The following LGMN variants were observed in gnomAD, a reference collection of about 807,000 sequenced individuals.
LGMN encodes legumain, also known as asparaginyl endopeptidase.
A neutral mutation model predicts 56.8 loss-of-function variants in LGMN; 36 were observed. That is an observed-to-expected ratio of 0.63 (90% CI 0.49 to 0.84). The LOEUF is 0.84. Ranked by LOEUF, LGMN falls within the 40% of genes least tolerant of loss-of-function variation. LGMN has a pLI of 0.00. For missense variants in LGMN, 446 were observed against 556.1 expected (o/e 0.80, Z 1.99); for synonymous variants, 199 against 210.1 (o/e 0.95, Z 0.46).
At chr14:92,704,486 C>T (rs1889320424) in intron 13 of LGMN, 125 bp from the exon 14 acceptor site, 5 of 1,055,932 alleles carry the variant, frequency 4.7e-6, no homozygotes, top group Admixed American at 1.8e-5. Context: ...TCACTGAGAA[C>T]GTGGCTTCTG....
intron 2 of LGMN, 110 bp downstream of exon 2, chr14:92,732,539 C>T (rs559635207): frequency 4.9e-6 from 6 of 1,231,298 alleles, no homozygotes; most frequent in Non-Finnish European, 5.7e-6. Flanking sequence ...GCCAGCCTAA[C>T]AGGTCCGTCA....
Position 92,714,436 on chromosome 14 carries a change from G to A in LGMN, c.420C>T (p.His140=), listed in dbSNP as rs528799180. The A allele has an allele frequency of 1.9e-4, 300 of 1,609,680 alleles. 3 individuals carry two copies. The South Asian group carries it at 2.4e-3, about 13-fold the overall frequency. The change falls in exon 6 of 14, where the codon CAC becomes CAT. Residue 140 remains histidine, a synonymous_variant. Coordinates refer to ENST00000334869, the MANE Select transcript of LGMN (RefSeq NM_005606.7). This position sits in a 1 kb window ranked among gnomAD's most constrained non-coding sequence, Gnocchi z 5.1. ...CATGGTCAGTGAAGTAAATGAACAC[G>A]TGATCCTGGGGGCCACTGCCAAGAA... ...GKVLKSGPQD[H]VFIYFTDHGS...
In LGMN at chr14:92,704,198, G is replaced by A. The variant is rs1247499649; in HGVS notation, c.*121C>T. On this transcript the variant is annotated 3_prime_UTR_variant, in exon 14 of 14. Coordinates refer to ENST00000334869, the MANE Select transcript of LGMN (RefSeq NM_005606.7). ...GAAGAAGGTCCTGGAGCGAGCCCTG[G>A]AGCGGGGGCTCCCCAGGAGGGCCCG... 2 of 1,262,710 alleles carry A rather than the reference G, an allele frequency of 1.6e-6. No homozygotes were observed. Among genetic ancestry groups the A allele is most frequent in the Non-Finnish European group, 1.2e-6 (1 of 862,278 alleles). 78.2% of individuals were successfully genotyped at this position (1,262,710 alleles called of 1,614,324 possible).
chr14:92,732,622 C>CA (rs761673019), intron 2 of LGMN, 27 bp downstream of exon 2: 37 of 1,608,448 alleles, frequency 2.3e-5, no homozygotes, highest in South Asian at 1.9e-4. Context: ...GTGTCCTTAA[C>CA]AAAAAAAAGA....
In LGMN at chr14:92,714,837, TC is replaced by T. The variant is rs139735605; in HGVS notation, c.405-387del. On this transcript the variant is annotated intron_variant, in intron 5 of 13. Coordinates refer to ENST00000334869, the MANE Select transcript of LGMN (RefSeq NM_005606.7). This position sits in a 1 kb window ranked among gnomAD's most constrained non-coding sequence, Gnocchi z 5.1. ...ATGACCTCAACACAGGCCTGCAGCC[TC>T]CCCCCCTCCAGGCCTCCTGTGGCCC... Among the ~76,000 whole-genome samples, 2 of 151,654 alleles carry T rather than the reference TC, an allele frequency of 1.3e-5. No individual in the cohort carries two copies. The highest frequency in any genetic ancestry group is 2.9e-5 in the Non-Finnish European group (2 of 67,902).
chr14:92,710,160 C>A (rs1889684103), intron 10 of LGMN, among the ~76,000 whole-genome samples: 1 of 152,242 alleles, frequency 6.6e-6, no homozygotes, highest in African/African-American at 2.4e-5. Flanking sequence ...GCATCCTTTG[C>A]AGAACTGCTA....
chr14:92,747,554 C>T (rs1891877482), intron 1 of LGMN, among the ~76,000 whole-genome samples: 1 of 152,148 alleles, frequency 6.6e-6, no homozygotes, highest in Admixed American at 6.5e-5. Flanking sequence ...CCCACCTCTG[C>T]GAAGTCTCAA....
In LGMN at chr14:92,714,006, T is replaced by C. The variant is rs1372016864; in HGVS notation, c.481-121A>G. 2.5e-6 allele frequency: 2 copies of C among 797,770 alleles called. No homozygotes were observed. Among genetic ancestry groups the C allele is most frequent in the Non-Finnish European group, 4.4e-6 (2 of 454,250 alleles). The allele number at this position is 797,770 out of a possible 1,614,324, so 49.4% of individuals were successfully genotyped here. On this transcript the variant is annotated intron_variant, in intron 6 of 13. Transcript: ENST00000334869. The surrounding 1 kb of genome is among the most constrained non-coding windows in gnomAD (Gnocchi z 5.1). ...TTCTACCAATCCCTAGAAGTAATCA[T>C]GGTGAAGAACATAACCCCAGAATGT... is the stretch of plus-strand genomic sequence containing the variant.
intron 2 of LGMN, among the ~76,000 whole-genome samples, chr14:92,732,044 A>T (rs73334237): frequency 2.9e-4 from 44 of 151,924 alleles, no homozygotes; most frequent in African/African-American, 1.1e-3. Context: ...TAGGGCAGAG[A>T]GGCCTGGGGG....
At chr14:92,736,299 T>A (rs1891303236) in intron 1 of LGMN, among the ~76,000 whole-genome samples, 1 of 152,116 alleles carries the variant, frequency 6.6e-6, no homozygotes, top group African/African-American at 2.4e-5. Flanking sequence ...TTATTATCTT[T>A]AAGGTGAAAC....
chr14:92,733,404 GT>G (rs1891152063), intron 1 of LGMN, among the ~76,000 whole-genome samples: 1 of 151,796 alleles, frequency 6.6e-6, no homozygotes, highest in Non-Finnish European at 1.5e-5. Flanking sequence ...ACTTTTTAAA[GT>G]TTTTGACGTA....
intron 2 of LGMN, among the ~76,000 whole-genome samples, chr14:92,722,782 G>T (rs1261658911): frequency 6.6e-6 from 1 of 152,118 alleles, no homozygotes; most frequent in Non-Finnish European, 1.5e-5. Flanking sequence ...ATAGGCAAAA[G>T]ATTTCAATAA....
chr14:92,711,213 A>G (rs1023685132), intron 10 of LGMN, among the ~76,000 whole-genome samples: 2 of 152,232 alleles, frequency 1.3e-5, no homozygotes, highest in Admixed American at 1.3e-4. Context: ...GGGTAAAGGT[A>G]ACAACCTGCC....
intron 1 of LGMN, among the ~76,000 whole-genome samples, chr14:92,737,113 C>A (rs1891343416): frequency 6.6e-6 from 1 of 152,156 alleles, no homozygotes; most frequent in Admixed American, 6.5e-5. Flanking sequence ...ATATTTTTGG[C>A]TTTGCAGGCC....
chr14:92,709,089 G>A (rs1274050719), intron 11 of LGMN, among the ~76,000 whole-genome samples: 2 of 151,990 alleles, frequency 1.3e-5, no homozygotes, highest in Non-Finnish European at 1.5e-5. Context: ...CTCACTGATT[G>A]GAAAGGACGG....
chr14:92,710,228 C>A (rs1192613481), intron 10 of LGMN, among the ~76,000 whole-genome samples: 1 of 152,236 alleles, frequency 6.6e-6, no homozygotes. Context: ...CAGTGCCCTT[C>A]ATATGTAAAA....
At chr14:92,741,578 C>CG (rs1271061997) in intron 1 of LGMN, 5 of 152,144 alleles carry the variant, frequency 3.3e-5, no homozygotes, top group African/African-American at 1.2e-4. Flanking sequence ...AGGCCAGGCA[C>CG]GGGGGCTCAC....
rs1291430377 is a variant in LGMN, at chr14:92,721,321, G to A, written c.139-2477C>T. On this transcript the variant is annotated intron_variant, in intron 2 of 13. Transcript: ENST00000334869. ...CATTGAGGATGGAAGAAGGGGCCAT[G>A]AGCCAACAGCTGCAGGCAGTGTCTA... Among the ~76,000 whole-genome samples the A allele has an allele frequency of 2.6e-5, 4 of 152,292 alleles. No individual in the cohort carries two copies. The South Asian group carries it at 6.2e-4, about 24-fold the overall frequency.
At chr14:92,710,662 C>A (rs1351043068) in intron 10 of LGMN, among the ~76,000 whole-genome samples, 1 of 152,238 alleles carries the variant, frequency 6.6e-6, no homozygotes, top group Non-Finnish European at 1.5e-5. Context: ...TGGAGAAGAT[C>A]CACCACAACT....
Sources: allele counts gnomAD v4.1 joint callset (sites outside exome capture counted in the v4.1 genomes callset), GRCh38; gene constraint gnomAD v4.1.1; non-coding constraint Gnocchi (gnomAD v3.1); transcripts MANE v1.5; gene names NCBI Gene and HGNC (gene_info 2026-07-23, HGNC 2026-07-21).